The following PIGU variants were observed in gnomAD, a reference collection of about 807,000 sequenced individuals.
PIGU encodes the protein phosphatidylinositol glycan anchor biosynthesis class U.
A neutral mutation model predicts 49.9 loss-of-function variants in PIGU; 24 were observed. The ratio of observed to expected loss-of-function variants is 0.48; its 90% CI spans 0.35 to 0.68. The LOEUF (loss-of-function observed/expected upper bound fraction) is 0.68, where lower values mean the gene tolerates loss of function less well. Ranked by LOEUF, PIGU falls within the 30% of genes least tolerant of loss-of-function variation. The pLI, the probability that PIGU is intolerant of heterozygous loss-of-function variation, is 0.01. For missense variants in PIGU, 490 were observed against 532.6 expected (o/e 0.92, Z 0.79); for synonymous variants, 220 against 205.7 (o/e 1.07, Z -0.59).
intron 7 of PIGU, among the ~76,000 whole-genome samples, chr20:34,593,026 AAATT>A (rs1452149617): frequency 6.6e-6 from 1 of 152,138 alleles, no homozygotes; most frequent in African/African-American, 2.4e-5. Flanking sequence ...ATTAGAGAAA[AAATT>A]AATTCACAAG....
chr20:34,664,707 T>C (rs568983318), intron 1 of PIGU, among the ~76,000 whole-genome samples: 40 of 151,636 alleles, frequency 2.6e-4, no homozygotes, highest in Non-Finnish European at 4.1e-4. Context: ...AAAAAGTATA[T>C]GGCTGGGCAT....
chr20:34,666,920 G>A (rs1191617196), intron 1 of PIGU, among the ~76,000 whole-genome samples: 6 of 151,834 alleles, frequency 4.0e-5, no homozygotes, highest in Admixed American at 1.3e-4. Flanking sequence ...GGATGGTCTC[G>A]ATCTCCTGAC....
chr20:34,590,716 T>C (rs923413644), intron 7 of PIGU, among the ~76,000 whole-genome samples: 3 of 151,786 alleles, frequency 2.0e-5, no homozygotes. Context: ...TTACAAGAGA[T>C]ATACCTTAAA....
At chr20:34,596,847 A>G (rs927983775) in intron 7 of PIGU, among the ~76,000 whole-genome samples, 1 of 152,216 alleles carries the variant, frequency 6.6e-6, no homozygotes, top group African/African-American at 2.4e-5. Flanking sequence ...TAGCTGTGTC[A>G]ATTGTTATTT....
chr20:34,611,379 G>C lies in PIGU; in HGVS notation c.627+4663C>G, dbSNP rs1984806734. Among the ~76,000 whole-genome samples the C allele has an allele frequency of 2.6e-5, 4 of 152,228 alleles. 1 individual carries two copies. Among genetic ancestry groups the C allele is most frequent in the Admixed American group, 2.6e-4 (4 of 15,290 alleles). On this transcript the variant is annotated intron_variant, in intron 7 of 11. Coordinates refer to ENST00000217446, the MANE Select transcript of PIGU (RefSeq NM_080476.5). The stretch of plus-strand genomic sequence containing the variant: ...GAAAAAAAACAGGCCAGGTGCGGTG[G>C]CTTATGCCTGTAATCTCAGCACTTT...
rs557618450 is a variant in PIGU, at chr20:34,599,324, G to A, written c.628-10717C>T. Among the ~76,000 whole-genome samples, 39 of 152,008 alleles carry A rather than the reference G, an allele frequency of 2.6e-4. 1 individual carries two copies. Among genetic ancestry groups the A allele is most frequent in the Admixed American group, 2.1e-3 (32 of 15,268 alleles). ...AAAAATTAGCAAGGCATGGTGGCAC[G>A]CGCCTGTAGTCCCAGCTACTCGGGA... On this transcript the variant is annotated intron_variant, in intron 7 of 11. Transcript: ENST00000217446.
At chr20:34,595,924 A>G (rs1984180722) in intron 7 of PIGU, among the ~76,000 whole-genome samples, 1 of 152,144 alleles carries the variant, frequency 6.6e-6, no homozygotes, top group South Asian at 2.1e-4. Context: ...CTAAAAATAC[A>G]AAAATTAGCT....
At chr20:34,576,612 C>CT (rs1245316720) in intron 10 of PIGU, among the ~76,000 whole-genome samples, 4 of 151,946 alleles carry the variant, frequency 2.6e-5, no homozygotes, top group South Asian at 2.1e-4. Context: ...CCTCTTCCAT[C>CT]TTTTTTTTAA....
chr20:34,612,271 G>C (rs957798552), intron 7 of PIGU, among the ~76,000 whole-genome samples: 1 of 152,050 alleles, frequency 6.6e-6, no homozygotes, highest in Admixed American at 6.6e-5. Flanking sequence ...ACCAAACATC[G>C]CATGTTCTTA....
At chr20:34,620,370 T>C (rs1985159603) in intron 6 of PIGU, among the ~76,000 whole-genome samples, 1 of 152,218 alleles carries the variant, frequency 6.6e-6, no homozygotes, top group African/African-American at 2.4e-5. Flanking sequence ...GCCCGCTTTC[T>C]AGTAGAAAGC....
intron 11 of PIGU, among the ~76,000 whole-genome samples, chr20:34,565,749 GCACACT>G (rs1469989258): frequency 1.4e-5 from 2 of 139,244 alleles, no homozygotes; most frequent in Non-Finnish European, 3.1e-5. Flanking sequence ...GCACACACAC[GCACACT>G]CACACTGCTC....
In PIGU at chr20:34,588,437, C is replaced by T. The variant is rs563585640; in HGVS notation, c.782+16G>A. ...CCCCACAGCTTCTAGAATTTTCTAA[C>T]GTGGTCATTACTTACATAAAGCCAT... On this transcript the variant is annotated intron_variant, in intron 8 of 11. Coordinates refer to ENST00000217446, the MANE Select transcript of PIGU (RefSeq NM_080476.5). 41 of 1,605,518 alleles carry T rather than the reference C, an allele frequency of 2.6e-5. 1 individual carries two copies. In the Middle Eastern group the frequency reaches 6.7e-4, roughly 26 times the overall value.
chr20:34,588,144 C>G (rs564190187), intron 8 of PIGU, among the ~76,000 whole-genome samples: 1 of 151,760 alleles, frequency 6.6e-6, no homozygotes, highest in East Asian at 1.9e-4. Context: ...CCCAGCTACT[C>G]GGGGGGCTGA....
chr20:34,576,230 A>C (rs1983228150), intron 10 of PIGU, among the ~76,000 whole-genome samples: 2 of 152,136 alleles, frequency 1.3e-5, no homozygotes, highest in Admixed American at 1.3e-4. Context: ...TAAAATTTAA[A>C]AATAAAAAAT....
intron 10 of PIGU, among the ~76,000 whole-genome samples, chr20:34,576,629 CTATT>C (rs1983246199): frequency 1.3e-5 from 2 of 151,998 alleles, no homozygotes; most frequent in Admixed American, 6.6e-5. Flanking sequence ...TTAAAATAGA[CTATT>C]TATTTTGAGA....
At chr20:34,624,460 G>C (rs1021710495) in intron 6 of PIGU, among the ~76,000 whole-genome samples, 10 of 152,184 alleles carry the variant, frequency 6.6e-5, no homozygotes, top group African/African-American at 2.4e-4. Flanking sequence ...CCTTCTGATA[G>C]CACTGATCCT....
chr20:34,675,770 T>C (rs912047345), intron 1 of PIGU, among the ~76,000 whole-genome samples: 1 of 152,100 alleles, frequency 6.6e-6, no homozygotes, highest in Non-Finnish European at 1.5e-5. Flanking sequence ...TCCCAGCACT[T>C]TGGGAGGCCA....
At chr20:34,609,303 G>A (rs764956459) in intron 7 of PIGU, among the ~76,000 whole-genome samples, 1 of 152,076 alleles carries the variant, frequency 6.6e-6, no homozygotes, top group East Asian at 1.9e-4. Context: ...GTAAGACCCT[G>A]TTACAAAACA....
Position 34,604,620 on chromosome 20 carries a change from A to C in PIGU, c.627+11422T>G, listed in dbSNP as rs1040081058. Among the ~76,000 whole-genome samples the C allele has an allele frequency of 2.0e-5, 3 of 152,186 alleles. No homozygotes were observed. The East Asian group carries it at 5.8e-4, about 29-fold the overall frequency. On this transcript the variant is annotated intron_variant, in intron 7 of 11. Transcript: ENST00000217446. ...GCACACACCTGGACATAGCAGAAATAACAGAAAGTGACTGGGGAAGAAAAA... is the reference window on the plus strand; with the variant it reads ...GCACACACCTGGACATAGCAGAAATCACAGAAAGTGACTGGGGAAGAAAAA...
Sources: gnomAD v4.1 joint callset for allele counts (sites outside exome capture counted in the v4.1 genomes callset) on GRCh38, gnomAD v4.1.1 for gene constraint, MANE v1.5 for transcripts, NCBI Gene and HGNC (gene_info 2026-07-23, HGNC 2026-07-21) for gene names.